The following ERAP1 variants were observed in gnomAD, a reference collection of about 807,000 sequenced individuals.
The protein encoded by ERAP1 is adipocyte-derived leucine aminopeptidase.
In ERAP1, 86 loss-of-function variants were observed where a neutral mutation model predicts 103.7. That is an observed-to-expected ratio of 0.83 (90% CI 0.70 to 0.99). The LOEUF is 0.99. ERAP1 is among the 50% of genes least tolerant of loss of function. ERAP1 has a pLI of 0.00. For synonymous variants in ERAP1, 398 were observed against 402.4 expected (o/e 0.99, Z 0.13); for missense variants, 1,009 against 1,128.4 (o/e 0.89, Z 1.52).
chr5:96,791,392 C>T (rs1213390052), intron 8 of ERAP1, among the ~76,000 whole-genome samples: 2 of 152,146 alleles, frequency 1.3e-5, no homozygotes, highest in Non-Finnish European at 2.9e-5. Context: ...CTGTTTGCTA[C>T]CGGTAAAACA....
the ERAP1 span, among the ~76,000 whole-genome samples, chr5:96,925,566 C>G: frequency 1.3e-5 from 2 of 152,228 alleles, no homozygotes; most frequent in African/African-American, 4.8e-5. Context: ...GATAAAGATG[C>G]AGATTTTAGG....
chr5:96,768,582 G>T (rs1210552725), intron 19 of ERAP1, among the ~76,000 whole-genome samples: 1 of 151,968 alleles, frequency 6.6e-6, no homozygotes, highest in Non-Finnish European at 1.5e-5. Context: ...TTTCTTAACT[G>T]CTACTTTGTA....
rs1426641624 is a variant in ERAP1 at position 96,803,549 on chromosome 5, G to T, written c.378C>A (p.Pro126=). The change falls in exon 2 of 19, where the codon CCC becomes CCA. Residue 126 remains proline, a synonymous_variant. Transcript: ENST00000443439. The part of the protein sequence containing the change: ...SEEPLQVLEH[P]RQEQIALLAP... ...CCAGCAGTGCAATTTGCTCCTGACG[G>T]GGGTGTTCCAGGACCTGCAGGGGTT... is the stretch of plus-strand genomic sequence containing the variant. The T allele has an allele frequency of 6.2e-7, 1 of 1,613,488 alleles. No homozygotes were observed. Among genetic ancestry groups the T allele is most frequent in the Non-Finnish European group, 8.5e-7 (1 of 1,179,636 alleles).
chr5:96,877,433 C>T, the ERAP1 span, among the ~76,000 whole-genome samples: 2 of 152,164 alleles, frequency 1.3e-5, no homozygotes, highest in Non-Finnish European at 2.9e-5. Flanking sequence ...CGAGCTACTC[C>T]TTCATTTTGG....
chr5:96,848,284 C>G, the ERAP1 span, among the ~76,000 whole-genome samples: 4 of 152,180 alleles, frequency 2.6e-5, no homozygotes, highest in African/African-American at 9.6e-5. Flanking sequence ...CTCCTGACCT[C>G]AAGTGATCTG....
At chr5:96,895,205 AT>A in the ERAP1 span, 4 of 1,223,618 alleles carry the variant, frequency 3.3e-6, no homozygotes, top group Non-Finnish European at 4.7e-6. Context: ...AATAATTTTT[AT>A]TTGTTTAACT....
chr5:96,870,815 A>C, the ERAP1 span, among the ~76,000 whole-genome samples: 1 of 152,184 alleles, frequency 6.6e-6, no homozygotes, highest in Non-Finnish European at 1.5e-5. Flanking sequence ...GCAGAGACTT[A>C]TCTGCTCCCC....
At chr5:96,882,184 A>C in the ERAP1 span, among the ~76,000 whole-genome samples, 1 of 152,220 alleles carries the variant, frequency 6.6e-6, no homozygotes, top group East Asian at 1.9e-4. Context: ...ATTGGATAGG[A>C]AAAGTGTCAA....
Position 96,793,455 on chromosome 5 carries a change from A to G in ERAP1, c.1133T>C (p.Phe378Ser). The G allele has an allele frequency of 6.2e-7, 1 of 1,613,974 alleles. No individual in the cohort carries two copies. Among genetic ancestry groups the G allele is most frequent in the Non-Finnish European group, 8.5e-7 (1 of 1,179,904 alleles). The change falls in exon 7 of 19, where the codon TTT becomes TCT. Residue 378 changes from phenylalanine to serine, a missense_variant. Physicochemically the swap from Phe to Ser is radical, Grantham distance 155 (BLOSUM62 -2). This residue lies in a region of ERAP1 where 392 missense variants were observed against 455.2 expected (regional missense o/e 0.86). Coordinates refer to ENST00000443439, the MANE Select transcript of ERAP1 (RefSeq NM_001040458.3). ...AGACACAAACTCCATAAATTTGGCA[A>G]ATCCTTCATTTAGCCAAAGATCATT... ...WWNDLWLNEG[F>S]AKFMEFVSVS...
At chr5:96,764,846 TGAAA>T (rs1769285997) in intron 19 of ERAP1, among the ~76,000 whole-genome samples, 1 of 152,216 alleles carries the variant, frequency 6.6e-6, no homozygotes, top group African/African-American at 2.4e-5. Flanking sequence ...AATTTCTAAA[TGAAA>T]GGCACACATG....
At chr5:96,763,404 A>C (rs1445589715) in intron 19 of ERAP1, among the ~76,000 whole-genome samples, 4 of 152,198 alleles carry the variant, frequency 2.6e-5, no homozygotes, top group African/African-American at 9.6e-5. Context: ...ACAATGAAGA[A>C]AGTCCCCATG....
chr5:96,898,248 GA>G, the ERAP1 span, among the ~76,000 whole-genome samples: 1 of 151,644 alleles, frequency 6.6e-6, no homozygotes. Flanking sequence ...CAAAGTTAAA[GA>G]ATAAAAAGCA....
chr5:96,821,421 A>G, the ERAP1 span, among the ~76,000 whole-genome samples: 1 of 152,102 alleles, frequency 6.6e-6, no homozygotes, highest in Non-Finnish European at 1.5e-5. Flanking sequence ...TTCCTCACAA[A>G]CTCAATCTCC....
the ERAP1 span, among the ~76,000 whole-genome samples, chr5:96,904,740 C>A: frequency 1.3e-5 from 2 of 152,174 alleles, no homozygotes; most frequent in African/African-American, 4.8e-5. Context: ...GACAATTCAG[C>A]AAATTAATCT....
intron 2 of ERAP1, among the ~76,000 whole-genome samples, chr5:96,802,057 A>G (rs1362260054): frequency 6.6e-6 from 1 of 152,050 alleles, no homozygotes; most frequent in Non-Finnish European, 1.5e-5. Flanking sequence ...CTCTAAAAAG[A>G]CTGCCAATAT....
chr5:96,840,738 G>A, the ERAP1 span, among the ~76,000 whole-genome samples: 40,046 of 148,900 alleles, frequency 0.27, 6,634 homozygotes, highest in Non-Finnish European at 0.38. Flanking sequence ...ACGGAGTCTC[G>A]CTTTGTCGCC....
intron 1 of ERAP1, among the ~76,000 whole-genome samples, chr5:96,807,580 G>C (rs3815799): frequency 0.099 from 15,068 of 152,140 alleles, 1,136 homozygotes; most frequent in African/African-American, 0.2. Context: ...GACAGGGACC[G>C]GCAGGGGTGG....
the ERAP1 span, chr5:96,895,205 ATTTG>A: frequency 8.2e-7 from 1 of 1,223,734 alleles, no homozygotes; most frequent in Non-Finnish European, 1.2e-6. Context: ...AATAATTTTT[ATTTG>A]TTTAACTTCT....
the ERAP1 span, chr5:96,880,155 C>A: frequency 6.2e-7 from 1 of 1,614,034 alleles, no homozygotes; most frequent in Non-Finnish European, 8.5e-7. Flanking sequence ...GAGAAACTTA[C>A]GCCTCACCTG....
Sources: gnomAD v4.1 joint callset for allele counts (sites outside exome capture counted in the v4.1 genomes callset) on GRCh38, gnomAD v4.1.1 for gene constraint, gnomAD v4.1.1 regional missense constraint, MANE v1.5 for transcripts, NCBI Gene and HGNC (gene_info 2026-07-23, HGNC 2026-07-21) for gene names.